The following ZNF541 variants were observed in gnomAD, a reference collection of about 807,000 sequenced individuals.
ZNF541 encodes zinc finger protein 541.
Under a neutral mutation model 123.5 loss-of-function variants are expected in ZNF541, and 23 were observed. The observed-to-expected ratio is 0.19, with a 90% confidence interval of 0.13 to 0.26. The LOEUF is 0.26. Ranked by LOEUF, ZNF541 falls within the 10% of genes least tolerant of loss-of-function variation. ZNF541 has a pLI of 1.00. For missense variants in ZNF541, 1,612 were observed against 1,789.9 expected (o/e 0.90, Z 1.79); for synonymous variants, 751 against 754.5 (o/e 1.00, Z 0.08).
In ZNF541 at chr19:47,544,516, T is replaced by G; in HGVS notation, c.2013A>C (p.Pro671=). 6.4e-7 allele frequency: 1 copy of G among 1,551,626 alleles called. No homozygotes were observed. The highest frequency in any genetic ancestry group is 2.4e-5 in the East Asian group (1 of 40,890). The part of the protein sequence containing the change: ...AAPSLDPSRN[P]DISSLAKQLR... The stretch of plus-strand genomic sequence containing the variant: ...GCTGCTTGGCCAGAGAAGAGATGTC[T>G]GGATTCCTGGAAGGGTCCAGAGACG... Residue 671 remains proline (P), a synonymous_variant, in exon 5 of 17, where the codon CCA becomes CCC. Coordinates refer to ENST00000391901, the MANE Select transcript of ZNF541 (RefSeq NM_001277075.3).
intron 3 of ZNF541, 72 bp downstream of exon 3, chr19:47,555,478 A>C: frequency 2.8e-6 from 4 of 1,428,022 alleles, no homozygotes; most frequent in Non-Finnish European, 3.7e-6. Flanking sequence ...ATCCATGCAG[A>C]ATCAGTCCCT....
chr19:47,524,926 A>G (rs1969215212), intron 14 of ZNF541, among the ~76,000 whole-genome samples: 1 of 152,092 alleles, frequency 6.6e-6, no homozygotes, highest in African/African-American at 2.4e-5. Flanking sequence ...GCTAAGAGAA[A>G]TTAAAGATGA....
chr19:47,526,197 G>T (rs1268367374), intron 14 of ZNF541, among the ~76,000 whole-genome samples: 1 of 151,890 alleles, frequency 6.6e-6, no homozygotes, highest in African/African-American at 2.4e-5. Flanking sequence ...TAAAAACACA[G>T]CCGGCTGGGC....
At chr19:47,557,523 A>G (rs1369440010) in intron 2 of ZNF541, among the ~76,000 whole-genome samples, 1 of 152,194 alleles carries the variant, frequency 6.6e-6, no homozygotes. Flanking sequence ...GCCAGCACAG[A>G]GCTCAACATA....
intron 2 of ZNF541, among the ~76,000 whole-genome samples, chr19:47,558,232 C>T (rs570953984): frequency 4.6e-5 from 7 of 152,100 alleles, no homozygotes; most frequent in South Asian, 4.2e-4. Context: ...CCGGCTAACA[C>T]GGTGAAACCC....
chr19:47,543,643 C>CT lies in ZNF541; in HGVS notation c.2403+482dup, dbSNP rs769335868. 5.9e-3 allele frequency among the ~76,000 whole-genome samples: 829 copies of CT among 140,774 alleles called. 5 individuals are homozygous for CT. Among genetic ancestry groups the CT allele is most frequent in the Middle Eastern group, 7.4e-3 (2 of 272 alleles). The allele number at this position is 140,774 out of a possible 152,430, so 92.4% of individuals were successfully genotyped here. A position where few individuals can be genotyped will look rare whatever the true frequency, so the allele number is the denominator to read the frequency against. ...AACTCTGGGATATCCTCATGTTGATCTTTTTTTTTTTTTTTAAGACAGGGT... is the reference window on the plus strand; with the variant it reads ...AACTCTGGGATATCCTCATGTTGATCTTTTTTTTTTTTTTTTAAGACAGGGT... On this transcript the variant is annotated intron_variant, in intron 5 of 16. Transcript: ENST00000391901.
At position 47,544,189 on chromosome 19, in the gene ZNF541, G is replaced by A; in HGVS notation, c.2340C>T (p.Phe780=). The stretch of plus-strand genomic sequence containing the variant: ...GATCTGCCGGGGGCCCGGCCGATGA[G>A]AAGGAGGCCATGGCTACCTGGCTCG... The part of the protein sequence containing the change: ...ASPSQVAMAS[F]SSAGPPADPS... Residue 780 remains phenylalanine (F), a synonymous_variant, in exon 5 of 17, where the codon TTC becomes TTT. Transcript: ENST00000391901. The A allele has an allele frequency of 6.4e-7, 1 of 1,551,794 alleles. No homozygotes were observed. Among genetic ancestry groups the A allele is most frequent in the Middle Eastern group, 1.7e-4 (1 of 5,992 alleles).
intron 12 of ZNF541, 115 bp downstream of exon 12, chr19:47,531,526 TG>T: frequency 1.4e-6 from 1 of 720,960 alleles, no homozygotes; most frequent in Non-Finnish European, 2.2e-6. Context: ...TGGAGGAGGA[TG>T]GGCGGCCTTC....
intron 2 of ZNF541, among the ~76,000 whole-genome samples, chr19:47,558,679 C>T (rs535043871): frequency 6.0e-5 from 9 of 151,094 alleles, no homozygotes; most frequent in South Asian, 2.1e-4. Context: ...CTGCATCCTC[C>T]GCCTCCCGGG....
intron 9 of ZNF541, among the ~76,000 whole-genome samples, chr19:47,533,618 G>A (rs1384778268): frequency 4.6e-5 from 7 of 151,786 alleles, no homozygotes; most frequent in Non-Finnish European, 7.4e-5. Context: ...TGAGGTGGGC[G>A]GATCACTTGA....
intron 2 of ZNF541, among the ~76,000 whole-genome samples, chr19:47,564,436 G>C (rs889296918): frequency 1.3e-5 from 2 of 152,170 alleles, no homozygotes; most frequent in Non-Finnish European, 2.9e-5. Flanking sequence ...GCACCTTCTA[G>C]GTACAAAACT....
intron 12 of ZNF541, among the ~76,000 whole-genome samples, chr19:47,530,391 C>G (rs940811284): frequency 6.7e-6 from 1 of 148,302 alleles, no homozygotes; most frequent in Admixed American, 6.8e-5. Flanking sequence ...ACCATGTTAG[C>G]CAGGCTGGTC....
At position 47,549,240 on chromosome 19, in the gene ZNF541, C is replaced by T; in HGVS notation, c.548+5G>A. On this transcript the variant is annotated splice_donor_5th_base_variant and intron_variant, in intron 4 of 16. Coordinates refer to ENST00000391901, the MANE Select transcript of ZNF541 (RefSeq NM_001277075.3). ...AGACGTTTTTCTGACCAGACTCCCA[C>T]ATACAGGTGGTCCTGGCGCTTAAAG... is the stretch of plus-strand genomic sequence containing the variant. 1 of 1,552,052 alleles carries T rather than the reference C, an allele frequency of 6.4e-7. No homozygotes were observed. The highest frequency in any genetic ancestry group is 1.2e-5 in the South Asian group (1 of 84,052).
At chr19:47,552,819 T>C (rs901822244) in intron 3 of ZNF541, among the ~76,000 whole-genome samples, 2 of 132,126 alleles carry the variant, frequency 1.5e-5, no homozygotes, top group Admixed American at 8.0e-5. Flanking sequence ...TTTTTAAAAA[T>C]TGGCAAGGAG....
chr19:47,544,101 A>T, intron 5 of ZNF541, 25 bp downstream of exon 5: 1 of 1,523,670 alleles, frequency 6.6e-7, no homozygotes, highest in Non-Finnish European at 8.8e-7. Flanking sequence ...CACTCTGGTC[A>T]GGCCACGTGA....
At chr19:47,525,076 G>A (rs957272592) in intron 14 of ZNF541, among the ~76,000 whole-genome samples, 7 of 152,070 alleles carry the variant, frequency 4.6e-5, no homozygotes, top group African/African-American at 1.7e-4. Context: ...CCTGAGGTCA[G>A]GAGTTCAAGA....
chr19:47,550,569 T>C (rs1481939361), intron 3 of ZNF541, among the ~76,000 whole-genome samples: 5 of 152,220 alleles, frequency 3.3e-5, no homozygotes, highest in Admixed American at 2.6e-4. Context: ...AATATATAGT[T>C]ATGAATCACA....
chr19:47,572,173 T>C (rs554089610), intron 1 of ZNF541, among the ~76,000 whole-genome samples, 131 bp from the exon 2 acceptor site: 5 of 152,174 alleles, frequency 3.3e-5, no homozygotes, highest in South Asian at 2.1e-4. Context: ...CAGCGGAGAT[T>C]TGAGTGAGGA....
intron 5 of ZNF541, among the ~76,000 whole-genome samples, chr19:47,543,426 C>T (rs1970167126): frequency 6.6e-6 from 1 of 152,106 alleles, no homozygotes; most frequent in Non-Finnish European, 1.5e-5. Context: ...GGGCACGATG[C>T]AGGTGCCCAC....
Sources: gnomAD v4.1 joint callset for allele counts (sites outside exome capture counted in the v4.1 genomes callset) on GRCh38, gnomAD v4.1.1 for gene constraint, MANE v1.5 for transcripts, NCBI Gene and HGNC (gene_info 2026-07-23, HGNC 2026-07-21) for gene names.